CNOT6: variants seen among roughly 807,000 people sequenced by gnomAD.
CNOT6 encodes the protein CCR4-NOT transcription complex subunit 6.
CNOT6 carries 12 observed loss-of-function variants against 61.2 expected under a neutral mutation model. The ratio of observed to expected loss-of-function variants is 0.20; its 90% CI spans 0.13 to 0.32. The LOEUF (loss-of-function observed/expected upper bound fraction) is 0.32. Among genes scored for constraint, CNOT6 ranks in the 10% least tolerant of loss-of-function variants. The pLI is 1.00. For synonymous variants in CNOT6, 225 were observed against 240.6 expected (o/e 0.94, Z 0.60); for missense variants, 405 against 663.9 (o/e 0.61, Z 4.28).
chr5:180,567,101 A>G lies in CNOT6; in HGVS notation c.731A>G (p.Glu244Gly). ...DIVSLQEVETEQYYSFFLVEL... is the reference protein window; with the variant it reads ...DIVSLQEVETGQYYSFFLVEL... ...ACAACTTTTCAGGAGGTTGAAACGG[A>G]ACAGTATTACAGTTTTTTTCTGGTA... is the stretch of plus-strand genomic sequence containing the variant. Residue 244 changes from glutamate (E) to glycine (G), a missense_variant, in exon 8 of 12, where the codon GAA becomes GGA. Glu to Gly is a moderately conservative substitution (Grantham distance 98). Coordinates refer to ENST00000261951, the MANE Select transcript of CNOT6 (RefSeq NM_001370472.1). 2.5e-6 allele frequency: 4 copies of G among 1,608,652 alleles called. No individual in the cohort carries two copies. Among genetic ancestry groups the G allele is most frequent in the Non-Finnish European group, 3.4e-6 (4 of 1,178,764 alleles).
chr5:180,519,827 C>T (rs1757802936), intron 1 of CNOT6, among the ~76,000 whole-genome samples: 2 of 136,444 alleles, frequency 1.5e-5, no homozygotes, highest in South Asian at 2.4e-4. Flanking sequence ...TTTGGTTATC[C>T]ATTTGCTTTT....
At chr5:180,500,059 T>C (rs1181668819) in intron 1 of CNOT6, among the ~76,000 whole-genome samples, 1 of 152,168 alleles carries the variant, frequency 6.6e-6, no homozygotes, top group African/African-American at 2.4e-5. Context: ...CTCTAATTTG[T>C]GTATCAATCA....
intron 1 of CNOT6, chr5:180,495,719 G>A (rs115664829): frequency 1.1e-4 from 17 of 152,318 alleles, no homozygotes; most frequent in African/African-American, 4.1e-4. Context: ...ACTTTGAAGA[G>A]GAAGAGAGTG....
intron 4 of CNOT6, among the ~76,000 whole-genome samples, chr5:180,563,494 G>A (rs1434591895): frequency 1.3e-5 from 2 of 151,842 alleles, no homozygotes; most frequent in African/African-American, 4.8e-5. Flanking sequence ...CGCCCGCCTC[G>A]GCCTCCCAAA....
rs762162846 is a variant in CNOT6, at chr5:180,571,343, A to G, written c.1372A>G (p.Thr458Ala). ...NFSCHGKNGT[T>A]NGRITHGFKL... is the part of the protein sequence containing the mutation. ...CAGCTGTCATGGGAAGAATGGAACC[A>G]CCAATGGAAGGATCACTCATGGTTT... The change falls in exon 11 of 12, where the codon ACC becomes GCC. Residue 458 changes from threonine to alanine, a missense_variant. Thr to Ala is a moderately conservative substitution (Grantham distance 58). Transcript: ENST00000261951. 7 of 1,613,984 alleles carry G rather than the reference A, an allele frequency of 4.3e-6. No homozygotes were observed. In the South Asian group the frequency reaches 6.6e-5, roughly 15 times the overall value.
At chr5:180,535,987 GGTT>G (rs1561646592) in intron 2 of CNOT6, among the ~76,000 whole-genome samples, 8 of 109,430 alleles carry the variant, frequency 7.3e-5, no homozygotes, top group Admixed American at 5.9e-4. Flanking sequence ...CACTTATTAG[GGTT>G]TTTTTTTTTT....
chr5:180,552,628 G>GACA (rs1759678131), intron 3 of CNOT6, among the ~76,000 whole-genome samples: 1 of 149,676 alleles, frequency 6.7e-6, no homozygotes, highest in Non-Finnish European at 1.5e-5. Flanking sequence ...CCTGGGCAAT[G>GACA]GAGCGAGACT....
intron 1 of CNOT6, among the ~76,000 whole-genome samples, chr5:180,506,000 G>A (rs181261407): frequency 1.1e-4 from 16 of 152,236 alleles, no homozygotes; most frequent in Non-Finnish European, 2.4e-4. Context: ...CATAAATGAG[G>A]GGCTCATGAT....
chr5:180,518,894 G>A (rs962497517), intron 1 of CNOT6, among the ~76,000 whole-genome samples: 4 of 152,042 alleles, frequency 2.6e-5, no homozygotes, highest in African/African-American at 4.8e-5. Context: ...ACATTTTCTT[G>A]TAGAGACGAG....
intron 3 of CNOT6, among the ~76,000 whole-genome samples, chr5:180,552,264 C>T (rs1169280159): frequency 6.6e-6 from 1 of 152,104 alleles, no homozygotes; most frequent in African/African-American, 2.4e-5. Context: ...GCCACACAGA[C>T]CTTCTGGCTT....
chr5:180,519,866 G>T (rs189466464), intron 1 of CNOT6, among the ~76,000 whole-genome samples: 2 of 138,442 alleles, frequency 1.4e-5, no homozygotes, highest in East Asian at 2.2e-4. Context: ...AAGGAATCTC[G>T]CTCTATTGCC....
intron 2 of CNOT6, among the ~76,000 whole-genome samples, chr5:180,547,880 C>T (rs1759396683): frequency 1.3e-5 from 2 of 151,802 alleles, no homozygotes; most frequent in Admixed American, 1.3e-4. Context: ...ATTACAGGCG[C>T]CCACCAGCAT....
At chr5:180,508,521 A>G (rs566934138) in intron 1 of CNOT6, among the ~76,000 whole-genome samples, 3 of 152,232 alleles carry the variant, frequency 2.0e-5, no homozygotes, top group Non-Finnish European at 4.4e-5. Flanking sequence ...CGTGTTGGCC[A>G]GGATGGTCTC....
intron 2 of CNOT6, among the ~76,000 whole-genome samples, chr5:180,543,850 G>C (rs1286466548): frequency 2.7e-5 from 4 of 150,576 alleles, no homozygotes; most frequent in Non-Finnish European, 4.4e-5. Flanking sequence ...TTGCTCTGTT[G>C]CCCAGGCTGG....
At chr5:180,532,845 A>G (rs1174863110) in intron 2 of CNOT6, among the ~76,000 whole-genome samples, 1 of 152,196 alleles carries the variant, frequency 6.6e-6, no homozygotes. Flanking sequence ...ACTTACGTTT[A>G]CCAGTTTATT....
intron 2 of CNOT6, among the ~76,000 whole-genome samples, chr5:180,539,553 T>G (rs1235296632): frequency 3.3e-4 from 2 of 5,992 alleles, no homozygotes; most frequent in South Asian, 5.6e-3. Context: ...TTTCTGTTCT[T>G]TTTTTTTTTT....
chr5:180,532,230 A>G (rs1365438452), intron 2 of CNOT6, among the ~76,000 whole-genome samples: 1 of 152,132 alleles, frequency 6.6e-6, no homozygotes, highest in Non-Finnish European at 1.5e-5. Flanking sequence ...GCATTTGACT[A>G]TATTTACCTC....
At chr5:180,539,331 T>C (rs1018203809) in intron 2 of CNOT6, among the ~76,000 whole-genome samples, 1 of 151,830 alleles carries the variant, frequency 6.6e-6, no homozygotes, top group African/African-American at 2.4e-5. Context: ...TTAAATTTTT[T>C]TTTTTGTAGT....
chr5:180,567,279 A>C, intron 8 of CNOT6, 37 bp downstream of exon 8: 41 of 1,576,878 alleles, frequency 2.6e-5, no homozygotes, highest in Non-Finnish European at 3.4e-5. Context: ...ACGTTTTCTC[A>C]GTATTTGCAG....
Sources: gnomAD v4.1 joint callset for allele counts (sites outside exome capture counted in the v4.1 genomes callset) on GRCh38, gnomAD v4.1.1 for gene constraint, MANE v1.5 for transcripts, NCBI Gene and HGNC (gene_info 2026-07-23, HGNC 2026-07-21) for gene names.